CARMIL1: variants seen among roughly 807,000 people sequenced by gnomAD.
CARMIL1 encodes the protein F-actin-uncapping protein LRRC16A.
A neutral mutation model predicts 177.1 loss-of-function variants in CARMIL1; 90 were observed. The ratio of observed to expected loss-of-function variants is 0.51; its 90% CI spans 0.43 to 0.61. CARMIL1 has a LOEUF of 0.61. Among genes scored for constraint, CARMIL1 ranks in the 20% least tolerant of loss-of-function variants. The pLI is 0.00. For missense variants in CARMIL1, 1,380 were observed against 1,667.0 expected, an observed-to-expected ratio of 0.83 and a Z score of 3.00; for synonymous variants, 577 against 606.2, an observed-to-expected ratio of 0.95 and a Z score of 0.71.
chr6:25,428,808 ATTTCAGT>A (rs1207585227), intron 4 of CARMIL1, among the ~76,000 whole-genome samples: 6 of 152,082 alleles, frequency 3.9e-5, no homozygotes, highest in Non-Finnish European at 8.8e-5. Context: ...TATTTTTTAC[ATTTCAGT>A]TTTCAGTTGT....
chr6:25,485,219 T>C (rs904740293), intron 12 of CARMIL1, among the ~76,000 whole-genome samples: 6 of 152,196 alleles, frequency 3.9e-5, no homozygotes, highest in African/African-American at 1.4e-4. Flanking sequence ...TCCCTTTTAG[T>C]GTGGTAACAG....
At chr6:25,423,209 ATCTT>A (rs1313500134) in intron 3 of CARMIL1, among the ~76,000 whole-genome samples, 1 of 152,220 alleles carries the variant, frequency 6.6e-6, no homozygotes, top group Admixed American at 6.5e-5. Context: ...TTAATTAAAC[ATCTT>A]TCTTTTGTCA....
chr6:25,311,252 G>A (rs535095303), intron 2 of CARMIL1, among the ~76,000 whole-genome samples: 3 of 152,214 alleles, frequency 2.0e-5, no homozygotes, highest in African/African-American at 7.2e-5. Context: ...TTTCCAAAAT[G>A]TCTCTAAAAT....
rs573065351 is a variant in CARMIL1, at chr6:25,609,995, G to A, written c.3848-55G>A. 162 of 1,526,606 alleles carry A rather than the reference G, an allele frequency of 1.1e-4. 1 individual carries two copies. The South Asian group carries it at 2.0e-3, about 19-fold the overall frequency. 94.6% of individuals were successfully genotyped at this position (1,526,606 alleles called of 1,614,324 possible). A position where few individuals can be genotyped will look rare whatever the true frequency, so the allele number is the denominator to read the frequency against. On this transcript the variant is annotated intron_variant, in intron 35 of 36. Coordinates refer to ENST00000329474, the MANE Select transcript of CARMIL1 (RefSeq NM_017640.6). Reference sequence around the variant, plus strand: ...TATATATAGATTTACCAGGCTTTATGTTCTTGGAATCCAGTTTGTGGAACA... The same window carrying A: ...TATATATAGATTTACCAGGCTTTATATTCTTGGAATCCAGTTTGTGGAACA...
intron 2 of CARMIL1, among the ~76,000 whole-genome samples, chr6:25,376,137 A>G (rs920316120): frequency 6.6e-6 from 1 of 152,122 alleles, no homozygotes; most frequent in African/African-American, 2.4e-5. Flanking sequence ...CTGGAGTGCA[A>G]TGGCACGATC....
In CARMIL1 at chr6:25,387,233, G is replaced by A. The variant is rs117094398; in HGVS notation, c.139-32881G>A. Among the ~76,000 whole-genome samples, 399 of 152,234 alleles carry A rather than the reference G, an allele frequency of 2.6e-3. 6 individuals carry two copies. Among genetic ancestry groups the A allele is most frequent in the Admixed American group, 0.022 (344 of 15,298 alleles). On this transcript the variant is annotated intron_variant, in intron 2 of 36. Transcript: ENST00000329474. ...TGCATTTTTAAATGCTCTGGTTCAA[G>A]GAAAGTTAAAAGTGTTTATAGTTAT...
In CARMIL1 at chr6:25,472,663, C is replaced by G. The variant is rs113717329; in HGVS notation, c.874+142C>G. ...TGGTCCTGTTGGCTTCCAGTTCTTT[C>G]CACCCTTTCATATAAATGCTTATGT... On this transcript the variant is annotated intron_variant, in intron 11 of 36. Coordinates refer to ENST00000329474, the MANE Select transcript of CARMIL1 (RefSeq NM_017640.6). 786 of 615,758 alleles carry G rather than the reference C, an allele frequency of 1.3e-3. 2 individuals carry two copies. Among genetic ancestry groups the G allele is most frequent in the African/African-American group, 0.012 (671 of 54,092 alleles). 38.1% of individuals were successfully genotyped at this position (615,758 alleles called of 1,614,324 possible).
rs538910317 is a variant in CARMIL1, at chr6:25,295,020, T to C, written c.138+10111T>C. 5.9e-5 allele frequency among the ~76,000 whole-genome samples: 9 copies of C among 152,316 alleles called. No homozygotes were observed. In the East Asian group the frequency reaches 1.7e-3, roughly 29 times the overall value. On this transcript the variant is annotated intron_variant, in intron 2 of 36. Coordinates refer to ENST00000329474, the MANE Select transcript of CARMIL1 (RefSeq NM_017640.6). ...GTGCAACCTGCCTGGTGAAGAATGC[T>C]ACCTATGCATTGCTTGGACAAAAGG...
At chr6:25,576,981 C>T (rs1304944667) in intron 29 of CARMIL1, 1 of 985,114 alleles carries the variant, frequency 1.0e-6, no homozygotes, top group Non-Finnish European at 1.2e-6. Context: ...TGGAGACTCT[C>T]TGCTGTACAA....
intron 3 of CARMIL1, among the ~76,000 whole-genome samples, chr6:25,423,043 C>T (rs987079221): frequency 2.6e-5 from 4 of 152,128 alleles, no homozygotes; most frequent in African/African-American, 9.7e-5. Context: ...TGCCGCTTTC[C>T]CCCTTAGAGA....
At chr6:25,449,762 A>G in intron 5 of CARMIL1, 136 bp from the exon 6 acceptor site, 1 of 545,328 alleles carries the variant, frequency 1.8e-6, no homozygotes, top group Middle Eastern at 5.1e-4. Context: ...AAAATTGAAA[A>G]TTGAAAAATT....
intron 29 of CARMIL1, among the ~76,000 whole-genome samples, chr6:25,565,273 C>T (rs1043824514): frequency 6.6e-6 from 1 of 152,156 alleles, no homozygotes; most frequent in Non-Finnish European, 1.5e-5. Context: ...AGGTAGCAAG[C>T]AGCCACCAAA....
chr6:25,556,620 TG>T, intron 28 of CARMIL1, 80 bp from the exon 29 acceptor site: 1 of 1,376,654 alleles, frequency 7.3e-7, no homozygotes, highest in Non-Finnish European at 9.8e-7. Context: ...CGCCATCTTG[TG>T]GAAGACGTCT....
At chr6:25,463,308 A>G (rs1252562663) in intron 8 of CARMIL1, among the ~76,000 whole-genome samples, 1 of 152,166 alleles carries the variant, frequency 6.6e-6, no homozygotes, top group African/African-American at 2.4e-5. Context: ...AATCCCAATT[A>G]TATATTATAT....
intron 31 of CARMIL1, 38 bp from the exon 32 acceptor site, chr6:25,594,377 G>A (rs920500787): frequency 7.9e-7 from 1 of 1,269,974 alleles, no homozygotes; most frequent in African/African-American, 1.5e-5. Flanking sequence ...CTAAATCAAG[G>A]TGCATGTGAA....
At chr6:25,417,406 T>C (rs1038987163) in intron 2 of CARMIL1, among the ~76,000 whole-genome samples, 3 of 151,102 alleles carry the variant, frequency 2.0e-5, no homozygotes, top group African/African-American at 7.3e-5. Context: ...CTGCAAACTC[T>C]TAATTCCCTG....
chr6:25,414,538 A>G (rs1477170251), intron 2 of CARMIL1, among the ~76,000 whole-genome samples: 1 of 152,170 alleles, frequency 6.6e-6, no homozygotes, highest in Non-Finnish European at 1.5e-5. Context: ...ATCCTAGGGC[A>G]GTTTTGGAGC....
At chr6:25,344,259 T>A (rs78839652) in intron 2 of CARMIL1, among the ~76,000 whole-genome samples, 7,922 of 152,022 alleles carry the variant, frequency 0.052, 276 homozygotes, top group Non-Finnish European at 0.087. Context: ...ATCCACCAGG[T>A]TTTTCAGTCC....
At chr6:25,471,298 CT>C in intron 10 of CARMIL1, 41 bp downstream of exon 10, 1 of 1,410,254 alleles carries the variant, frequency 7.1e-7, no homozygotes, top group South Asian at 1.3e-5. Flanking sequence ...TGCTTTAAAA[CT>C]CTGTGCCATT....
Sources: gnomAD v4.1 joint callset for allele counts (sites outside exome capture counted in the v4.1 genomes callset) on GRCh38, gnomAD v4.1.1 for gene constraint, MANE v1.5 for transcripts, NCBI Gene and HGNC (gene_info 2026-07-23, HGNC 2026-07-21) for gene names.